TMTC2: variants seen among roughly 807,000 people sequenced by gnomAD.
TMTC2 encodes the protein transmembrane O-mannosyltransferase targeting cadherins 2, also known as protein O-mannosyl-transferase TMTC2.
A neutral mutation model predicts 82.4 loss-of-function variants in TMTC2; 43 were observed. The ratio of observed to expected loss-of-function variants is 0.52; its 90% confidence interval spans 0.41 to 0.67. The LOEUF is 0.67. TMTC2 is among the 30% of genes least tolerant of loss of function. The pLI, the probability that TMTC2 is intolerant of heterozygous loss-of-function variation, is 0.00. For missense variants in TMTC2, 919 were observed against 1,012.4 expected (o/e 0.91, Z 1.25); for synonymous variants, 408 against 381.9 (o/e 1.07, Z -0.80).
chr12:82,799,549 T>C (rs1162738745), intron 1 of TMTC2, among the ~76,000 whole-genome samples: 6 of 152,156 alleles, frequency 3.9e-5, no homozygotes, highest in African/African-American at 1.4e-4. Flanking sequence ...TTCTGGAGGC[T>C]AGACATCTGA....
chr12:82,739,056 G>T lies in TMTC2; in HGVS notation c.83+51387G>T, dbSNP rs540403590. ...CCAGCTACTCGGGAGGCTGAGGCAG[G>T]AGAATCACTTGAACGTGGGAGGTAG... On this transcript the variant is annotated intron_variant, in intron 1 of 11. Transcript: ENST00000321196. 2.0e-5 allele frequency among the ~76,000 whole-genome samples: 3 copies of T among 151,854 alleles called. No individual in the cohort carries two copies. In the East Asian group the frequency reaches 5.8e-4, roughly 29 times the overall value.
chr12:82,794,437 C>T (rs1173872304), intron 1 of TMTC2, among the ~76,000 whole-genome samples: 1 of 152,126 alleles, frequency 6.6e-6, no homozygotes, highest in Non-Finnish European at 1.5e-5. Flanking sequence ...GCAGGCCAAG[C>T]TCTGCCTTGC....
chr12:82,935,274 T>A (rs527475770), intron 4 of TMTC2, among the ~76,000 whole-genome samples: 1 of 152,296 alleles, frequency 6.6e-6, no homozygotes, highest in African/African-American at 2.4e-5. Flanking sequence ...AGTTATATAA[T>A]ATGAAATTTA....
chr12:82,892,147 C>G (rs1166442608), intron 2 of TMTC2, among the ~76,000 whole-genome samples: 1 of 152,192 alleles, frequency 6.6e-6, no homozygotes, highest in Non-Finnish European at 1.5e-5. Context: ...TATGTGAAAG[C>G]ATTTCACTTC....
At chr12:82,997,175 T>TCTCTCTC (rs150688624) in intron 8 of TMTC2, among the ~76,000 whole-genome samples, 8 of 114,510 alleles carry the variant, frequency 7.0e-5, no homozygotes, top group African/African-American at 1.4e-4. Context: ...TCTCTCTCTC[T>TCTCTCTC]CCCACCCCTC....
intron 9 of TMTC2, among the ~76,000 whole-genome samples, chr12:83,042,198 T>C (rs1488480851): frequency 1.3e-5 from 2 of 152,334 alleles, no homozygotes; most frequent in East Asian, 3.9e-4. Flanking sequence ...AAAAGGATGT[T>C]TGGGCTCTTT....
At chr12:83,034,730 A>AAT in intron 9 of TMTC2, among the ~76,000 whole-genome samples, 1 of 152,318 alleles carries the variant, frequency 6.6e-6, no homozygotes, top group Non-Finnish European at 1.5e-5. Flanking sequence ...TTGTATCATC[A>AAT]ATATATCTAC....
At chr12:83,114,406 G>A (rs1160852864) in intron 11 of TMTC2, among the ~76,000 whole-genome samples, 1 of 152,130 alleles carries the variant, frequency 6.6e-6, no homozygotes, top group Non-Finnish European at 1.5e-5. Context: ...CCAGACTCCA[G>A]GAACTGTGAG....
At chr12:82,861,726 T>A (rs1703107) in intron 2 of TMTC2, among the ~76,000 whole-genome samples, 36,574 of 152,120 alleles carry the variant, frequency 0.24, 10,738 homozygotes, top group African/African-American at 0.7. Flanking sequence ...TTGAATGCTG[T>A]CAAACTATAA....
intron 1 of TMTC2, among the ~76,000 whole-genome samples, chr12:82,815,267 C>T (rs772448308): frequency 2.1e-4 from 31 of 149,554 alleles, no homozygotes; most frequent in Non-Finnish European, 3.1e-4. Flanking sequence ...CCCGAGTTCA[C>T]GCCATTCTTT....
At chr12:82,971,757 T>C (rs1878454753) in intron 7 of TMTC2, among the ~76,000 whole-genome samples, 2 of 150,782 alleles carry the variant, frequency 1.3e-5, no homozygotes, top group Admixed American at 1.3e-4. Flanking sequence ...GAGCCTAGGG[T>C]AACTGTCTTG....
intron 8 of TMTC2, among the ~76,000 whole-genome samples, chr12:83,029,012 T>C (rs943719793): frequency 4.6e-5 from 7 of 152,200 alleles, no homozygotes; most frequent in Admixed American, 2.0e-4. Context: ...GGAAGTCTGT[T>C]GTCTGATCAT....
rs114864556 is a variant in TMTC2 at position 82,807,408 on chromosome 12, A to G, written c.84-49602A>G. Among the ~76,000 whole-genome samples, 207 of 152,170 alleles carry G rather than the reference A, an allele frequency of 1.4e-3. 1 individual carries two copies. The highest frequency in any genetic ancestry group is 4.4e-3 in the African/African-American group (183 of 41,570). ...ACTAGTTCCCTTTCATTCAGTGTCA[A>G]TTGTTGGGGAAATATTTCATTTTCA... On this transcript the variant is annotated intron_variant, in intron 1 of 11. Transcript: ENST00000321196.
chr12:83,093,577 C>CT (rs1290451752), intron 11 of TMTC2, among the ~76,000 whole-genome samples: 5 of 152,192 alleles, frequency 3.3e-5, no homozygotes, highest in Non-Finnish European at 5.9e-5. Context: ...CTGGGAGAGT[C>CT]TAGAGCAATA....
intron 2 of TMTC2, among the ~76,000 whole-genome samples, chr12:82,883,005 A>G (rs976145358): frequency 1.3e-5 from 2 of 150,154 alleles, no homozygotes; most frequent in African/African-American, 4.9e-5. Flanking sequence ...GCAATGAGCC[A>G]AGATCGCGTC....
intron 11 of TMTC2, among the ~76,000 whole-genome samples, chr12:83,085,816 A>G (rs1055168524): frequency 6.6e-6 from 1 of 152,218 alleles, no homozygotes; most frequent in East Asian, 1.9e-4. Context: ...TTTCTTGCTT[A>G]CAATAAATGC....
chr12:82,794,686 A>G (rs1445763427), intron 1 of TMTC2, among the ~76,000 whole-genome samples: 2 of 152,164 alleles, frequency 1.3e-5, no homozygotes, highest in Non-Finnish European at 2.9e-5. Context: ...ATTTAACCAC[A>G]TCTTGAAAGT....
chr12:82,820,202 TGAGGGTGAGTCTGCCTTTCC>T (rs1347325509), intron 1 of TMTC2, among the ~76,000 whole-genome samples: 2 of 152,112 alleles, frequency 1.3e-5, no homozygotes, highest in African/African-American at 4.8e-5. Flanking sequence ...CCACCCAGAT[TGAGGGTGAGTCTGCCTTTCC>T]GAGTCCACTG....
intron 8 of TMTC2, among the ~76,000 whole-genome samples, chr12:83,028,856 A>AT (rs1260611898): frequency 5.3e-5 from 8 of 152,228 alleles, no homozygotes; most frequent in Admixed American, 2.6e-4. Context: ...TATAGGAAAC[A>AT]TTCTGTCTGT....
Sources: allele counts gnomAD v4.1 joint callset (sites outside exome capture counted in the v4.1 genomes callset), GRCh38; gene constraint gnomAD v4.1.1; transcripts MANE v1.5; gene names NCBI Gene and HGNC (gene_info 2026-07-23, HGNC 2026-07-21).